CNGB3: variants seen among roughly 807,000 people sequenced by gnomAD.
CNGB3 encodes cyclic nucleotide-gated channel beta-3.
CNGB3 carries 86 observed loss-of-function variants against 92.8 expected under a neutral mutation model. That is an observed-to-expected ratio of 0.93 (90% CI 0.78 to 1.11). The LOEUF (loss-of-function observed/expected upper bound fraction) is 1.11. Ranked by LOEUF, CNGB3 falls within the 50% of genes least tolerant of loss-of-function variation. The probability of loss-of-function intolerance (pLI) is 0.00; values close to 1 mark genes in which losing one functional copy is unlikely to be tolerated. For missense variants in CNGB3, 1,026 were observed against 956.8 expected, an observed-to-expected ratio of 1.07 and a Z score of -0.95; for synonymous variants, 333 against 332.7, an observed-to-expected ratio of 1.00 and a Z score of -0.01.
intron 10 of CNGB3, among the ~76,000 whole-genome samples, chr8:86,637,800 A>T (rs1172395762): frequency 2.0e-5 from 3 of 152,158 alleles, no homozygotes; most frequent in Non-Finnish European, 4.4e-5. Flanking sequence ...AAATGCATAT[A>T]CCTGTGTAAC....
At position 86,601,330 on chromosome 8, in the gene CNGB3, C is replaced by T. The variant is rs369438495; in HGVS notation, c.1781+2763G>A. On this transcript the variant is annotated intron_variant, in intron 15 of 17. Transcript: ENST00000320005. ...GTAAGGAAAATGATGGACCTGGAAC[C>T]ACCACAAGGCCATCTCTCAGCAGAC... Among the ~76,000 whole-genome samples the T allele has an allele frequency of 3.3e-5, 5 of 152,202 alleles. No individual in the cohort carries two copies. In the East Asian group the frequency reaches 5.8e-4, roughly 18 times the overall value.
At chr8:86,636,991 T>G (rs1823084788) in intron 10 of CNGB3, among the ~76,000 whole-genome samples, 1 of 152,218 alleles carries the variant, frequency 6.6e-6, no homozygotes, top group Non-Finnish European at 1.5e-5. Flanking sequence ...CATATTATCT[T>G]TATCCTTTCA....
intron 3 of CNGB3, among the ~76,000 whole-genome samples, chr8:86,702,448 A>G (rs1188626045): frequency 6.6e-6 from 1 of 152,208 alleles, no homozygotes; most frequent in Non-Finnish European, 1.5e-5. Context: ...ATCTTTGACC[A>G]TGAAGATTTT....
intron 6 of CNGB3, chr8:86,658,894 G>A (rs1489235270): frequency 3.8e-6 from 3 of 789,170 alleles, no homozygotes; most frequent in Middle Eastern, 2.5e-4. Flanking sequence ...TCCTCCCAGA[G>A]CTCAGCCTTC....
chr8:86,593,638 TC>T, intron 15 of CNGB3: 1 of 489,068 alleles, frequency 2.0e-6, no homozygotes, highest in South Asian at 2.2e-5. Flanking sequence ...CGAGTGGGGT[TC>T]CCCACTGAGG....
chr8:86,708,301 G>T (rs1222620471), intron 3 of CNGB3, among the ~76,000 whole-genome samples: 2 of 152,148 alleles, frequency 1.3e-5, no homozygotes, highest in Non-Finnish European at 2.9e-5. Flanking sequence ...AGAGTGGCCA[G>T]TGAGGGACGG....
Position 86,668,956 on chromosome 8 carries a change from C to A in CNGB3, c.494-788G>T, listed in dbSNP as rs192276116. On this transcript the variant is annotated intron_variant, in intron 4 of 17. Coordinates refer to ENST00000320005, the MANE Select transcript of CNGB3 (RefSeq NM_019098.5). Reference sequence around the variant, plus strand: ...ATCATTTAAGCCCAAGAGTTAGAGGCGGCAGTCAGCTATGACTGTGCCACT... The same window carrying A: ...ATCATTTAAGCCCAAGAGTTAGAGGAGGCAGTCAGCTATGACTGTGCCACT... Among the ~76,000 whole-genome samples, 4 of 152,156 alleles carry A rather than the reference C, an allele frequency of 2.6e-5. No homozygotes were observed. The East Asian group carries it at 7.7e-4, about 29-fold the overall frequency.
At chr8:86,586,437 T>A (rs376347125) in intron 15 of CNGB3, among the ~76,000 whole-genome samples, 28 of 151,372 alleles carry the variant, frequency 1.8e-4, no homozygotes, top group Non-Finnish European at 3.7e-4. Flanking sequence ...CTGCACCCAC[T>A]AACTCGACAT....
chr8:86,678,095 T>G (rs1432033547), intron 3 of CNGB3, among the ~76,000 whole-genome samples: 1 of 152,132 alleles, frequency 6.6e-6, no homozygotes, highest in African/African-American at 2.4e-5. Context: ...GTATTCTAAT[T>G]TGGGAAGTTT....
intron 2 of CNGB3, among the ~76,000 whole-genome samples, 188 bp downstream of exon 2, chr8:86,739,467 G>T (rs1247549053): frequency 6.6e-6 from 1 of 152,122 alleles, no homozygotes. Context: ...TGCATCTATT[G>T]CATGGACAAA....
At chr8:86,621,232 C>T (rs934853417) in intron 13 of CNGB3, among the ~76,000 whole-genome samples, 23 of 152,238 alleles carry the variant, frequency 1.5e-4, no homozygotes, top group Admixed American at 7.9e-4. Context: ...CAATTAAGTT[C>T]GTCATTCAGG....
chr8:86,616,431 T>A (rs1172641223), intron 13 of CNGB3, among the ~76,000 whole-genome samples: 2 of 152,198 alleles, frequency 1.3e-5, no homozygotes, highest in African/African-American at 4.8e-5. Flanking sequence ...TATTTTATAA[T>A]GTGTTTGAGA....
At chr8:86,578,934 G>A (rs2131532362) in intron 16 of CNGB3, 71 bp from the exon 17 acceptor site, 1 of 1,591,266 alleles carries the variant, frequency 6.3e-7, no homozygotes, top group Non-Finnish European at 8.6e-7. Flanking sequence ...TAAAAAAACT[G>A]CAATTTATCC....
At chr8:86,736,294 G>C (rs141548664) in intron 2 of CNGB3, among the ~76,000 whole-genome samples, 32 of 152,206 alleles carry the variant, frequency 2.1e-4, no homozygotes, top group African/African-American at 6.3e-4. Flanking sequence ...AAATATAACT[G>C]TTATTCCTAT....
At chr8:86,731,911 A>T (rs1366536468) in intron 2 of CNGB3, among the ~76,000 whole-genome samples, 1 of 152,222 alleles carries the variant, frequency 6.6e-6, no homozygotes, top group Non-Finnish European at 1.5e-5. Context: ...GGGGCATGAT[A>T]CAAAAACTTC....
chr8:86,720,540 C>T (rs1371145765), intron 3 of CNGB3, among the ~76,000 whole-genome samples: 4 of 152,066 alleles, frequency 2.6e-5, no homozygotes, highest in African/African-American at 9.7e-5. Context: ...AACACTTACA[C>T]TGTTGGTGGG....
chr8:86,720,277 C>T (rs138640061), intron 3 of CNGB3, among the ~76,000 whole-genome samples: 3,884 of 152,108 alleles, frequency 0.026, 78 homozygotes, highest in Non-Finnish European at 0.037. Flanking sequence ...CCAGAATCTG[C>T]AAGGAACTCA....
chr8:86,629,185 C>G (rs1420201384), intron 11 of CNGB3, 107 bp from the exon 12 acceptor site: 4 of 1,251,886 alleles, frequency 3.2e-6, no homozygotes, highest in Non-Finnish European at 3.5e-6. Context: ...GCCCTGATTA[C>G]TTGATTTTAT....
At chr8:86,743,294 T>C (rs759676093) in intron 1 of CNGB3, among the ~76,000 whole-genome samples, 3 of 152,250 alleles carry the variant, frequency 2.0e-5, no homozygotes, top group Non-Finnish European at 4.4e-5. Context: ...AATCCTAGTA[T>C]AGTCTCCTAA....
Sources: allele counts gnomAD v4.1 joint callset (sites outside exome capture counted in the v4.1 genomes callset), GRCh38; gene constraint gnomAD v4.1.1; transcripts MANE v1.5; gene names NCBI Gene and HGNC (gene_info 2026-07-23, HGNC 2026-07-21).